WARS2: variants seen among roughly 807,000 people sequenced by gnomAD.
WARS2 encodes tryptophanyl tRNA synthetase 2, mitochondrial, also known as tryptophan--tRNA ligase, mitochondrial.
Under a neutral mutation model 36.5 loss-of-function variants are expected in WARS2, and 28 were observed. That is an observed-to-expected ratio of 0.77 (90% confidence interval 0.57 to 1.05). The LOEUF (loss-of-function observed/expected upper bound fraction) is 1.05. Ranked by LOEUF, WARS2 falls within the 50% of genes least tolerant of loss-of-function variation. The probability of loss-of-function intolerance (pLI) is 0.00; values close to 1 mark genes in which losing one functional copy is unlikely to be tolerated. For synonymous variants in WARS2, 174 were observed against 178.4 expected, an observed-to-expected ratio of 0.98 and a Z score of 0.20; for missense variants, 435 against 456.8, an observed-to-expected ratio of 0.95 and a Z score of 0.44.
At chr1:119,089,508 G>A (rs1051642500) in intron 1 of WARS2, among the ~76,000 whole-genome samples, 7 of 152,186 alleles carry the variant, frequency 4.6e-5, no homozygotes, top group African/African-American at 7.2e-5. Context: ...CTTATGTGGC[G>A]TTGAACATGT....
At chr1:119,108,562 G>A (rs1654405032) in intron 1 of WARS2, among the ~76,000 whole-genome samples, 3 of 151,710 alleles carry the variant, frequency 2.0e-5, no homozygotes, top group Admixed American at 2.0e-4. Context: ...TAAGTAATTT[G>A]TGTCATCTCT....
At chr1:119,091,428 C>A (rs1282065465) in intron 1 of WARS2, among the ~76,000 whole-genome samples, 1 of 152,102 alleles carries the variant, frequency 6.6e-6, no homozygotes. Flanking sequence ...GACTTGAACC[C>A]AGGTCGATTA....
At position 119,033,097 on chromosome 1, in the gene WARS2, A is replaced by G. The variant is rs147994164; in HGVS notation, c.897T>C (p.Thr299=). ...EVVRRSAGMN[T]ARYKLAVADA... ...CTGCCACGGCCAGCTTGTAGCGAGC[A>G]GTGTTCATGCCCGCGCTGCGGCGCA... The change falls in exon 6 of 6, where the codon ACT becomes ACC. Residue 299 remains threonine, a synonymous_variant. Coordinates refer to ENST00000235521, the MANE Select transcript of WARS2 (RefSeq NM_015836.4). The G allele has an allele frequency of 4.3e-6, 7 of 1,614,130 alleles. No individual in the cohort carries two copies. In the African/African-American group the frequency reaches 8.0e-5, roughly 18 times the overall value.
chr1:119,076,668 C>A, intron 1 of WARS2, 61 bp from the exon 2 acceptor site: 1 of 1,594,522 alleles, frequency 6.3e-7, no homozygotes, highest in Non-Finnish European at 8.5e-7. Flanking sequence ...ATCCTATGCC[C>A]ATGTTATCAT....
chr1:119,063,905 C>T (rs879835555), intron 2 of WARS2: 1 of 152,222 alleles, frequency 6.6e-6, no homozygotes, highest in Admixed American at 6.5e-5. Context: ...TTGGAGCCCC[C>T]ACACAGTGTA....
Position 119,139,474 on chromosome 1 carries a change from C to A in WARS2, c.90+1081G>T, listed in dbSNP as rs1251190401. Among the ~76,000 whole-genome samples, 6 of 152,142 alleles carry A rather than the reference C, an allele frequency of 3.9e-5. No homozygotes were observed. In the East Asian group the frequency reaches 1.2e-3, roughly 29 times the overall value. ...TTTCCAGAGGTTGAAAGAACATTAA[C>A]GTGTCAATCAGTCCAGCTCTCTTCC... On this transcript the variant is annotated intron_variant, in intron 1 of 5. Transcript: ENST00000235521.
chr1:119,136,625 TCATGTTG>T (rs1345148954), intron 1 of WARS2, among the ~76,000 whole-genome samples: 1 of 152,206 alleles, frequency 6.6e-6, no homozygotes, highest in African/African-American at 2.4e-5. Flanking sequence ...GCTGATTAGC[TCATGTTG>T]CATGTTGCAT....
intron 1 of WARS2, among the ~76,000 whole-genome samples, chr1:119,117,628 T>A (rs372890933): frequency 1.3e-5 from 2 of 152,170 alleles, no homozygotes; most frequent in African/African-American, 4.8e-5. Flanking sequence ...GCATAACCAG[T>A]ACTGAAGAAA....
chr1:119,089,558 G>A (rs1475624533), intron 1 of WARS2, among the ~76,000 whole-genome samples: 1 of 152,166 alleles, frequency 6.6e-6, no homozygotes, highest in African/African-American at 2.4e-5. Context: ...TCAGAGGGTG[G>A]TTCGGAGGAC....
chr1:119,116,581 A>G (rs1571382354), intron 1 of WARS2, among the ~76,000 whole-genome samples: 1 of 152,284 alleles, frequency 6.6e-6, no homozygotes, highest in South Asian at 2.1e-4. Flanking sequence ...TGAAAGGGGG[A>G]AAAAGCCTCT....
chr1:119,085,073 T>G, intron 1 of WARS2: 1 of 741,836 alleles, frequency 1.3e-6, no homozygotes, highest in Non-Finnish European at 2.5e-6. Flanking sequence ...GCCTATGGGA[T>G]TTATCTCAGC....
At chr1:119,127,313 C>A in intron 1 of WARS2, 1 of 613,052 alleles carries the variant, frequency 1.6e-6, no homozygotes, top group Non-Finnish European at 3.0e-6. Context: ...GAGCCAAAAA[C>A]TGAGATAGAT....
At chr1:119,077,599 A>T (rs1169529021) in intron 1 of WARS2, among the ~76,000 whole-genome samples, 1 of 152,082 alleles carries the variant, frequency 6.6e-6, no homozygotes, top group Non-Finnish European at 1.5e-5. Context: ...GTTTCCTTTT[A>T]CTTTTAATAA....
intron 2 of WARS2, among the ~76,000 whole-genome samples, chr1:119,075,347 TG>T (rs905413370): frequency 2.0e-4 from 30 of 152,174 alleles, no homozygotes; most frequent in African/African-American, 6.5e-4. Context: ...GTAGGTTATA[TG>T]CAAATATGAT....
chr1:119,060,957 A>C (rs1650326485), intron 2 of WARS2, among the ~76,000 whole-genome samples: 1 of 152,160 alleles, frequency 6.6e-6, no homozygotes, highest in African/African-American at 2.4e-5. Flanking sequence ...TTCCACATGC[A>C]CGGGGCCACC....
In WARS2 at chr1:119,135,741, GAT is replaced by G. The variant is rs1345712462; in HGVS notation, c.90+4812_90+4813del. ...AGATAGATAGATAGATAGATAGATA[GAT>G]AGATAGATAGAGAGATAGAGAGAGA... On this transcript the variant is annotated intron_variant, in intron 1 of 5. Transcript: ENST00000235521. Among the ~76,000 whole-genome samples the G allele has an allele frequency of 2.0e-3, 236 of 116,362 alleles. 1 individual carries two copies. The highest frequency in any genetic ancestry group is 5.9e-3 in the African/African-American group (207 of 35,172). The allele number at this position is 116,362 out of a possible 152,430, so 76.3% of individuals were successfully genotyped here. A position where few individuals can be genotyped will look rare whatever the true frequency, so the allele number is the denominator to read the frequency against.
chr1:119,042,112 G>T (rs1026578825), intron 4 of WARS2, 152 bp downstream of exon 4: 1 of 585,056 alleles, frequency 1.7e-6, no homozygotes, highest in Non-Finnish European at 3.1e-6. Flanking sequence ...CTTCTATAAT[G>T]TAGTATTTCT....
At chr1:119,088,523 CAA>C (rs1354273905) in intron 1 of WARS2, among the ~76,000 whole-genome samples, 1 of 151,878 alleles carries the variant, frequency 6.6e-6, no homozygotes, top group African/African-American at 2.4e-5. Flanking sequence ...ATTTACATTT[CAA>C]GGTAATGAAA....
intron 2 of WARS2, among the ~76,000 whole-genome samples, chr1:119,075,115 C>T (rs1272408890): frequency 6.6e-6 from 1 of 151,798 alleles, no homozygotes; most frequent in Non-Finnish European, 1.5e-5. Context: ...CAAAACTGCA[C>T]ATACACCTTC....
Sources: gnomAD v4.1 joint callset for allele counts (sites outside exome capture counted in the v4.1 genomes callset) on GRCh38, gnomAD v4.1.1 for gene constraint, MANE v1.5 for transcripts, NCBI Gene and HGNC (gene_info 2026-07-23, HGNC 2026-07-21) for gene names.